DNAJC13: variants seen among roughly 807,000 people sequenced by gnomAD.
DNAJC13 encodes dnaJ homolog subfamily C member 13.
A neutral mutation model predicts 290.5 loss-of-function variants in DNAJC13; 75 were observed. The observed-to-expected ratio is 0.26, with a 90% confidence interval of 0.21 to 0.31. The LOEUF is 0.31. DNAJC13 is among the 10% of genes least tolerant of loss of function. DNAJC13 has a pLI of 1.00. For missense variants in DNAJC13, 2,260 were observed against 2,674.5 expected (o/e 0.85, Z 3.42); for synonymous variants, 862 against 892.0 (o/e 0.97, Z 0.60).
At chr3:132,424,099 T>C (rs1009622776) in intron 1 of DNAJC13, among the ~76,000 whole-genome samples, 1 of 152,146 alleles carries the variant, frequency 6.6e-6, no homozygotes, top group Non-Finnish European at 1.5e-5. Flanking sequence ...GTTACAATAA[T>C]GTGTATAAAC....
In DNAJC13 at chr3:132,523,935, A is replaced by G. The variant is rs1936173303; in HGVS notation, c.6060+222A>G. On this transcript the variant is annotated intron_variant, in intron 51 of 55. Coordinates refer to ENST00000260818, the MANE Select transcript of DNAJC13 (RefSeq NM_015268.4). ...ATGAACCAAAGTTATAGAGATATCT[A>G]TATTGAGAGGATGCTATTTCTAACA... 6.9e-6 allele frequency: 3 copies of G among 435,516 alleles called. No individual in the cohort carries two copies. The East Asian group carries it at 1.1e-4, about 16-fold the overall frequency. The allele number at this position is 435,516 out of a possible 1,614,324, so 27.0% of individuals were successfully genotyped here. A position where few individuals can be genotyped will look rare whatever the true frequency, so the allele number is the denominator to read the frequency against.
At chr3:132,494,632 A>G (rs1308823824) in intron 34 of DNAJC13, among the ~76,000 whole-genome samples, 1 of 152,168 alleles carries the variant, frequency 6.6e-6, no homozygotes, top group East Asian at 1.9e-4. Flanking sequence ...CAAATGACAG[A>G]TTATGAAAGA....
rs976428756 is a variant in DNAJC13, at chr3:132,453,478, G to A, written c.718G>A (p.Val240Ile). 2.5e-6 allele frequency: 4 copies of A among 1,613,898 alleles called. No homozygotes were observed. The African/African-American group carries it at 5.3e-5, about 22-fold the overall frequency. Reference sequence around the variant, plus strand: ...CATCACATCTTTAGCAGAGTTTGTAGTCCAAAAAATATCACCTAGACATTC... The same window carrying A: ...CATCACATCTTTAGCAGAGTTTGTAATCCAAAAAATATCACCTAGACATTC... ...ESITSLAEFV[V>I]QKISPRHSEP... is the part of the protein sequence containing the mutation. The change falls in exon 7 of 56, where the codon GTC (valine) becomes ATC (isoleucine). Residue 240 changes from valine (V) to isoleucine (I), a missense_variant. This residue lies in a region of DNAJC13 where 762 missense variants were observed against 964.1 expected (regional missense o/e 0.79). Coordinates refer to ENST00000260818, the MANE Select transcript of DNAJC13 (RefSeq NM_015268.4).
chr3:132,529,255 C>T (rs1295554647), intron 54 of DNAJC13, among the ~76,000 whole-genome samples: 3 of 152,158 alleles, frequency 2.0e-5, no homozygotes, highest in Non-Finnish European at 4.4e-5. Flanking sequence ...AAGCATCATC[C>T]ATGTTACCAA....
intron 1 of DNAJC13, among the ~76,000 whole-genome samples, chr3:132,420,247 T>C (rs536623212): frequency 6.6e-6 from 1 of 152,346 alleles, no homozygotes; most frequent in African/African-American, 2.4e-5. Context: ...CTGTGCAGAT[T>C]GAGAGGGAGA....
At chr3:132,473,610 C>G (rs1206410247) in intron 21 of DNAJC13, among the ~76,000 whole-genome samples, 1 of 152,038 alleles carries the variant, frequency 6.6e-6, no homozygotes, top group Non-Finnish European at 1.5e-5. Flanking sequence ...AGGACCTTCC[C>G]TCCTATCAAA....
At chr3:132,496,157 A>G (rs759807484) in intron 35 of DNAJC13, among the ~76,000 whole-genome samples, 12 of 152,158 alleles carry the variant, frequency 7.9e-5, no homozygotes, top group Non-Finnish European at 1.8e-4. Flanking sequence ...CACACTTTAC[A>G]TGGCTGTTTG....
At chr3:132,493,858 T>C (rs2107711101) in intron 33 of DNAJC13, among the ~76,000 whole-genome samples, 1 of 152,220 alleles carries the variant, frequency 6.6e-6, no homozygotes, top group East Asian at 1.9e-4. Flanking sequence ...AAAAAATAAA[T>C]CTTAATTCTT....
intron 31 of DNAJC13, 55 bp downstream of exon 31, chr3:132,489,076 A>G (rs1934977551): frequency 4.2e-6 from 6 of 1,442,162 alleles, no homozygotes; most frequent in Middle Eastern, 3.5e-4. Flanking sequence ...TTTTGGCACT[A>G]TAAAGTTTCC....
chr3:132,523,232 C>T (rs2107745068), intron 50 of DNAJC13, 33 bp downstream of exon 50: 1 of 1,610,204 alleles, frequency 6.2e-7, no homozygotes, highest in Non-Finnish European at 8.5e-7. Context: ...ATCTTATTTT[C>T]TGTTGATTTA....
chr3:132,426,101 G>A (rs1331344976), intron 1 of DNAJC13, among the ~76,000 whole-genome samples: 1 of 152,140 alleles, frequency 6.6e-6, no homozygotes, highest in Non-Finnish European at 1.5e-5. Context: ...CAAGAATATT[G>A]TGTTGTTCGA....
At chr3:132,431,191 A>T (rs557721914) in intron 1 of DNAJC13, among the ~76,000 whole-genome samples, 96 of 152,294 alleles carry the variant, frequency 6.3e-4, no homozygotes, top group Non-Finnish European at 1.0e-3. Flanking sequence ...ATTTTTGAGC[A>T]CCTGTTTTGT....
Position 132,474,965 on chromosome 3 carries a change from T to C in DNAJC13, c.2325T>C (p.Ile775=), listed in dbSNP as rs201536036. Residue 775 remains isoleucine, a synonymous_variant, in exon 22 of 56, where the codon ATT becomes ATC. Coordinates refer to ENST00000260818, the MANE Select transcript of DNAJC13 (RefSeq NM_015268.4). Reference sequence around the variant, plus strand: ...AAGACCATGCCAGGTCAAACCTTATTTGGAATTTCAAAACACGAGAAGAAC... The same window carrying C: ...AAGACCATGCCAGGTCAAACCTTATCTGGAATTTCAAAACACGAGAAGAAC... The part of the protein sequence containing the change: ...FGQDHARSNL[I]WNFKTREELK... 1 of 1,611,528 alleles carries C rather than the reference T, an allele frequency of 6.2e-7. No individual in the cohort carries two copies. Among genetic ancestry groups the C allele is most frequent in the Non-Finnish European group, 8.5e-7 (1 of 1,178,836 alleles).
Position 132,499,270 on chromosome 3 carries a change from C to T in DNAJC13, c.4301C>T (p.Ala1434Val). The T allele has an allele frequency of 6.2e-7, 1 of 1,613,456 alleles. No individual in the cohort carries two copies. Among genetic ancestry groups the T allele is most frequent in the Non-Finnish European group, 8.5e-7 (1 of 1,179,614 alleles). ...GCTTTCCATACTGTCAACTGTTCAG[C>T]CCTCAATGCTGAAGAGCTCAGAAGA... ...ELAFHTVNCS[A>V]LNAEELRREN... Residue 1434 changes from alanine to valine, a missense_variant, in exon 37 of 56, where the codon GCC becomes GTC. Transcript: ENST00000260818.
chr3:132,447,637 C>T lies in DNAJC13; in HGVS notation c.294+167C>T, dbSNP rs78322604. 0.037 allele frequency among the ~76,000 whole-genome samples: 5,617 copies of T among 152,192 alleles called. 343 individuals are homozygous for T. The highest frequency in any genetic ancestry group is 0.13 in the African/African-American group (5,342 of 41,506). Reference sequence around the variant, plus strand: ...CTGTGAAACGTTCACTTTTCTCTAACAGGCTGGAAAATCTTTTATATTTGC... The same window carrying T: ...CTGTGAAACGTTCACTTTTCTCTAATAGGCTGGAAAATCTTTTATATTTGC... On this transcript the variant is annotated intron_variant, in intron 4 of 55. Transcript: ENST00000260818.
At chr3:132,426,660 C>T (rs1407480473) in intron 1 of DNAJC13, among the ~76,000 whole-genome samples, 2 of 152,182 alleles carry the variant, frequency 1.3e-5, no homozygotes, top group East Asian at 1.9e-4. Context: ...AGATTTTTTT[C>T]ATCATAAATA....
At chr3:132,434,010 G>A (rs556471318) in intron 1 of DNAJC13, among the ~76,000 whole-genome samples, 7 of 152,278 alleles carry the variant, frequency 4.6e-5, no homozygotes, top group East Asian at 1.9e-4. Context: ...TCAGGAGATC[G>A]AGACCATCCT....
In DNAJC13 at chr3:132,514,557, T is replaced by C. The variant is rs530492909; in HGVS notation, c.5386-14T>C. On this transcript the variant is annotated splice_polypyrimidine_tract_variant and intron_variant, in intron 45 of 55. Transcript: ENST00000260818. ...ATTTCTGAAACTTTTACTATCCTGTTGATTAATTTTCAGGTTGTGAATATA... is the reference window on the plus strand; with the variant it reads ...ATTTCTGAAACTTTTACTATCCTGTCGATTAATTTTCAGGTTGTGAATATA... The C allele has an allele frequency of 2.5e-6, 4 of 1,579,162 alleles. No individual in the cohort carries two copies. In the East Asian group the frequency reaches 9.0e-5, roughly 36 times the overall value.
chr3:132,538,248 A>G lies in DNAJC13; in HGVS notation c.6698A>G (p.Asp2233Gly), dbSNP rs749901529. 6.2e-7 allele frequency: 1 copy of G among 1,613,898 alleles called. No homozygotes were observed. Among genetic ancestry groups the G allele is most frequent in the Non-Finnish European group, 8.5e-7 (1 of 1,179,956 alleles). Residue 2233 changes from aspartate to glycine, a missense_variant, in exon 56 of 56, where the codon GAC becomes GGC. Physicochemically the swap from Asp to Gly is moderately conservative, Grantham distance 94. Coordinates refer to ENST00000260818, the MANE Select transcript of DNAJC13 (RefSeq NM_015268.4). ...SVMSNLPPPV[D>G]HEAGDLGYQT The stretch of plus-strand genomic sequence containing the variant: ...ATGTCTAACCTGCCACCTCCTGTAG[A>G]CCATGAGGCAGGCGACCTTGGCTAT...
Sources: gnomAD v4.1 joint callset for allele counts (sites outside exome capture counted in the v4.1 genomes callset) on GRCh38, gnomAD v4.1.1 for gene constraint, gnomAD v4.1.1 regional missense constraint, MANE v1.5 for transcripts, NCBI Gene and HGNC (gene_info 2026-07-23, HGNC 2026-07-21) for gene names.